TAFA2: variants seen among roughly 807,000 people sequenced by gnomAD.
TAFA2 encodes chemokine-like protein TAFA-2.
Under a neutral mutation model 18.8 loss-of-function variants are expected in TAFA2, and 7 were observed. The ratio of observed to expected loss-of-function variants is 0.37; its 90% CI spans 0.21 to 0.70. The LOEUF (loss-of-function observed/expected upper bound fraction) is 0.70. Among genes scored for constraint, TAFA2 ranks in the 30% least tolerant of loss-of-function variants. The pLI is 0.53. For missense variants in TAFA2, 122 were observed against 158.1 expected, an observed-to-expected ratio of 0.77 and a Z score of 1.23; for synonymous variants, 60 against 54.2, an observed-to-expected ratio of 1.11 and a Z score of -0.47.
intron 1 of TAFA2, among the ~76,000 whole-genome samples, chr12:61,896,393 C>T (rs1265664151): frequency 1.3e-5 from 2 of 152,162 alleles, no homozygotes; most frequent in Non-Finnish European, 2.9e-5. Context: ...TAATAATCTA[C>T]CAAACTCCAC....
At chr12:62,011,860 A>C (rs1880781999) in intron 1 of TAFA2, among the ~76,000 whole-genome samples, 1 of 152,262 alleles carries the variant, frequency 6.6e-6, no homozygotes, top group Admixed American at 6.5e-5. Context: ...TCTTCTGTAA[A>C]CCTCAGTTTG....
chr12:61,962,585 T>C (rs1878924164), intron 1 of TAFA2, among the ~76,000 whole-genome samples: 1 of 152,022 alleles, frequency 6.6e-6, no homozygotes, highest in Admixed American at 6.6e-5. Flanking sequence ...GAGTTTTCTT[T>C]TCAAATTCAA....
At chr12:62,194,385 T>C (rs1476447370), upstream of TAFA2, among the ~76,000 whole-genome samples, 2 of 152,156 alleles carry the variant, frequency 1.3e-5, no homozygotes, top group Non-Finnish European at 1.5e-5. Flanking sequence ...CATTAACTTT[T>C]TGTGGTTGTA....
intron 1 of TAFA2, among the ~76,000 whole-genome samples, chr12:62,232,624 A>T (rs1206600852): frequency 6.6e-6 from 1 of 151,842 alleles, no homozygotes; most frequent in East Asian, 1.9e-4. Context: ...CAATTTTCCC[A>T]TCTCAGCCCC....
intron 4 of TAFA2, among the ~76,000 whole-genome samples, chr12:61,742,507 G>A (rs1229442096): frequency 6.6e-6 from 1 of 152,014 alleles, no homozygotes; most frequent in Non-Finnish European, 1.5e-5. Flanking sequence ...TTGGTTTTCT[G>A]TCTATTTCTC....
chr12:61,932,332 C>T (rs183504388), intron 1 of TAFA2, among the ~76,000 whole-genome samples: 1 of 152,032 alleles, frequency 6.6e-6, no homozygotes, highest in Admixed American at 6.6e-5. Context: ...AGGTAGTAAC[C>T]CTTCAGTGAC....
intron 4 of TAFA2, among the ~76,000 whole-genome samples, chr12:61,735,767 C>T (rs943485080): frequency 6.6e-6 from 1 of 151,646 alleles, no homozygotes; most frequent in Non-Finnish European, 1.5e-5. Flanking sequence ...CTTAATAATT[C>T]ACTATTGTAT....
Position 61,815,553 on chromosome 12 carries a change from C to T in TAFA2, c.106+51767G>A, listed in dbSNP as rs536978030. On this transcript the variant is annotated intron_variant, in intron 2 of 4. Coordinates refer to ENST00000416284, the MANE Select transcript of TAFA2 (RefSeq NM_178539.5). ...TGGTGGGCACCTGTAGTCTCAGCTA[C>T]TCGGGAGGCTGAGGCGGGAGAATGG... 4.6e-5 allele frequency among the ~76,000 whole-genome samples: 7 copies of T among 150,912 alleles called. No individual in the cohort carries two copies. In the South Asian group the frequency reaches 1.5e-3, roughly 31 times the overall value.
intron 1 of TAFA2, among the ~76,000 whole-genome samples, chr12:61,979,851 G>C (rs1879568338): frequency 6.6e-6 from 1 of 151,982 alleles, no homozygotes; most frequent in Non-Finnish European, 1.5e-5. Context: ...TGGCAAACGA[G>C]ACTGGAAGGG....
At chr12:62,152,076 C>T (rs2062332471) in intron 1 of TAFA2, among the ~76,000 whole-genome samples, 1 of 152,126 alleles carries the variant, frequency 6.6e-6, no homozygotes, top group South Asian at 2.1e-4. Flanking sequence ...CAACAGAATG[C>T]TATTGCTTTG....
chr12:61,771,189 G>A (rs1374358248), intron 2 of TAFA2, among the ~76,000 whole-genome samples: 1 of 151,958 alleles, frequency 6.6e-6, no homozygotes, highest in East Asian at 1.9e-4. Context: ...AGTCCAACAT[G>A]AAACTATCAT....
At chr12:62,179,063 T>C (rs1160445122) in intron 1 of TAFA2, among the ~76,000 whole-genome samples, 1 of 152,182 alleles carries the variant, frequency 6.6e-6, no homozygotes, top group African/African-American at 2.4e-5. Flanking sequence ...CATACAAATG[T>C]TTTGTAAACA....
chr12:61,860,492 A>G (rs1874081406), intron 2 of TAFA2, among the ~76,000 whole-genome samples: 1 of 152,234 alleles, frequency 6.6e-6, no homozygotes, highest in African/African-American at 2.4e-5. Context: ...CCTAGGCTAA[A>G]TTGGATCAAA....
intron 1 of TAFA2, among the ~76,000 whole-genome samples, chr12:62,177,098 A>T (rs1431787242): frequency 6.6e-6 from 1 of 152,276 alleles, no homozygotes; most frequent in Non-Finnish European, 1.5e-5. Flanking sequence ...AAATTCTTTT[A>T]ATGTTTACAG....
chr12:62,021,480 T>C, intron 1 of TAFA2: 1 of 622,642 alleles, frequency 1.6e-6, no homozygotes. Flanking sequence ...CATTCTTTTT[T>C]TTTTTTCTGT....
At chr12:61,866,059 T>C (rs1874341607) in intron 2 of TAFA2, among the ~76,000 whole-genome samples, 1 of 152,156 alleles carries the variant, frequency 6.6e-6, no homozygotes. Flanking sequence ...TTTACACTGA[T>C]AAAAATATTA....
intron 1 of TAFA2, among the ~76,000 whole-genome samples, chr12:62,037,243 T>G (rs1368171096): frequency 6.6e-6 from 1 of 152,244 alleles, no homozygotes; most frequent in Non-Finnish European, 1.5e-5. Context: ...TCTCCATCTG[T>G]GCTCGAAAAC....
intron 1 of TAFA2, among the ~76,000 whole-genome samples, chr12:62,224,476 C>T (rs75343409): frequency 0.096 from 14,663 of 152,004 alleles, 993 homozygotes; most frequent in South Asian, 0.14. Flanking sequence ...GGCCAGGGAG[C>T]TCTCTGAGGT....
At chr12:61,847,796 A>C (rs1165697554) in intron 2 of TAFA2, among the ~76,000 whole-genome samples, 1 of 152,320 alleles carries the variant, frequency 6.6e-6, no homozygotes, top group Admixed American at 6.5e-5. Context: ...ACCAGCAGTA[A>C]GGGTGCTTTT....
Sources: allele counts gnomAD v4.1 joint callset (sites outside exome capture counted in the v4.1 genomes callset), GRCh38; gene constraint gnomAD v4.1.1; transcripts MANE v1.5; gene names NCBI Gene and HGNC (gene_info 2026-07-23, HGNC 2026-07-21).